The following BIRC6 variants were observed in gnomAD, a reference collection of about 807,000 sequenced individuals.
BIRC6 encodes the protein dual E2 ubiquitin-conjugating enzyme/E3 ubiquitin-protein ligase BIRC6.
BIRC6 carries 98 observed loss-of-function variants against 503.3 expected under a neutral mutation model. The ratio of observed to expected loss-of-function variants is 0.19; its 90% confidence interval spans 0.17 to 0.23. BIRC6 has a LOEUF of 0.23. Among genes scored for constraint, BIRC6 ranks in the 10% least tolerant of loss-of-function variants. BIRC6 has a pLI of 1.00. For synonymous variants in BIRC6, 2,240 were observed against 2,078.7 expected (o/e 1.08, Z -2.11); for missense variants, 5,360 against 5,806.0 (o/e 0.92, Z 2.50).
At position 32,469,283 on chromosome 2, in the gene BIRC6, T is replaced by G; in HGVS notation, c.6128-112T>G. ...TAAATACATTGCAGAATAAATAGAA[T>G]ATAATTATCTACTGATTACTAGAAA... On this transcript the variant is annotated intron_variant, in intron 29 of 73. Transcript: ENST00000421745. 3 of 792,440 alleles carry G rather than the reference T, an allele frequency of 3.8e-6. No individual in the cohort carries two copies. The South Asian group carries it at 6.1e-5, about 16-fold the overall frequency. 49.1% of individuals were successfully genotyped at this position (792,440 alleles called of 1,614,324 possible). A position where few individuals can be genotyped will look rare whatever the true frequency, so the allele number is the denominator to read the frequency against.
rs181688484 is a variant in BIRC6 at position 32,530,269 on chromosome 2, G to A, written c.12094+445G>A. 4.7e-4 allele frequency among the ~76,000 whole-genome samples: 71 copies of A among 152,122 alleles called. 1 individual carries two copies. In the East Asian group the frequency reaches 0.012, roughly 26 times the overall value. On this transcript the variant is annotated intron_variant, in intron 60 of 73. Transcript: ENST00000421745. ...TCTGTCTCCCAGGTCGGAGTGCAGAGGCACGATCTTAGTTCACTGCAACCT... is the reference window on the plus strand; with the variant it reads ...TCTGTCTCCCAGGTCGGAGTGCAGAAGCACGATCTTAGTTCACTGCAACCT...
At chr2:32,579,369 C>T (rs565930173) in intron 66 of BIRC6, among the ~76,000 whole-genome samples, 9 of 151,974 alleles carry the variant, frequency 5.9e-5, no homozygotes, top group East Asian at 3.9e-4. Flanking sequence ...TAGGTTTGTG[C>T]GCCCCCAAGC....
intron 70 of BIRC6, 81 bp downstream of exon 70, chr2:32,599,981 T>G: frequency 7.2e-7 from 1 of 1,384,020 alleles, no homozygotes; most frequent in East Asian, 2.5e-5. Flanking sequence ...AAATTTTGTT[T>G]TAGTTATCTG....
At chr2:32,541,947 GA>G (rs960645545) in intron 61 of BIRC6, among the ~76,000 whole-genome samples, 1 of 151,956 alleles carries the variant, frequency 6.6e-6, no homozygotes, top group African/African-American at 2.4e-5. Flanking sequence ...TAGGGCCAAA[GA>G]AAAATCAATT....
At chr2:32,473,450 TTACTGTTA>T (rs913152543) in intron 33 of BIRC6, among the ~76,000 whole-genome samples, 8 of 152,132 alleles carry the variant, frequency 5.3e-5, no homozygotes, top group Non-Finnish European at 4.4e-5. Context: ...CCTTTAACAT[TTACTGTTA>T]TACATCTCTA....
intron 63 of BIRC6, among the ~76,000 whole-genome samples, chr2:32,546,451 G>GTTTAT (rs2058058371): frequency 1.3e-5 from 2 of 151,990 alleles, no homozygotes; most frequent in Non-Finnish European, 2.9e-5. Context: ...ATGGTGGCGT[G>GTTTAT]TGCCTGTAAT....
intron 72 of BIRC6, among the ~76,000 whole-genome samples, chr2:32,609,339 C>T (rs1180643269): frequency 6.7e-6 from 1 of 149,784 alleles, no homozygotes; most frequent in Admixed American, 6.7e-5. Context: ...TTAGTTGTCT[C>T]TCCATAGTAT....
chr2:32,489,003 T>C (rs2051349924), intron 42 of BIRC6, among the ~76,000 whole-genome samples: 1 of 152,146 alleles, frequency 6.6e-6, no homozygotes, highest in African/African-American at 2.4e-5. Flanking sequence ...TTTTGTCTGA[T>C]CTGTAAAAGC....
At chr2:32,534,730 C>CAAAAAAAAAA (rs770672789) in intron 61 of BIRC6, among the ~76,000 whole-genome samples, 1 of 22,308 alleles carries the variant, frequency 4.5e-5, no homozygotes, top group African/African-American at 1.4e-4. Context: ...GACTCTGTCT[C>CAAAAAAAAAA]AAAAAAAAAA....
At chr2:32,391,882 T>A (rs1008104285) in intron 4 of BIRC6, among the ~76,000 whole-genome samples, 157 bp from the exon 5 acceptor site, 3 of 152,222 alleles carry the variant, frequency 2.0e-5, no homozygotes, top group Admixed American at 6.5e-5. Flanking sequence ...TCCCAAAAAT[T>A]ACCGTTTTTA....
intron 66 of BIRC6, among the ~76,000 whole-genome samples, chr2:32,590,273 C>G (rs2061317665): frequency 6.6e-6 from 1 of 152,176 alleles, no homozygotes; most frequent in Admixed American, 6.5e-5. Context: ...GTAGAAGTTT[C>G]ATTCTCTTAT....
chr2:32,466,717 C>G (rs550533997), intron 26 of BIRC6, among the ~76,000 whole-genome samples: 8 of 152,210 alleles, frequency 5.3e-5, no homozygotes, highest in Non-Finnish European at 1.2e-4. Context: ...TTTTAAAACT[C>G]TGATGTTTTA....
At position 32,465,126 on chromosome 2, in the gene BIRC6, C is replaced by T. The variant is rs1283501394; in HGVS notation, c.5318C>T (p.Pro1773Leu). 36 of 1,603,796 alleles carry T rather than the reference C, an allele frequency of 2.2e-5. No homozygotes were observed. The highest frequency in any genetic ancestry group is 1.8e-4 in the East Asian group (8 of 44,604). The change falls in exon 26 of 74, where the codon CCG (proline) becomes CTG (leucine). Residue 1773 changes from proline (P) to leucine (L), a missense_variant. Physicochemically the swap from Pro to Leu is moderately conservative, Grantham distance 98. Transcript: ENST00000421745. ...ISHASHFLQP[P>L]PHQSIIIERM... ...CATGCTTCACATTTTCTTCAACCTC[C>T]GCCTCACCAGTCCATTATTATAGAG...
rs1574049925 is a variant in BIRC6, at chr2:32,415,342, C to A, written c.2051C>A (p.Pro684His). 6.2e-7 allele frequency: 1 copy of A among 1,613,874 alleles called. No individual in the cohort carries two copies. Among genetic ancestry groups the A allele is most frequent in the African/African-American group, 1.3e-5 (1 of 74,922 alleles). Residue 684 changes from proline to histidine, a missense_variant, in exon 10 of 74, where the codon CCT becomes CAT. Pro to His is a moderately conservative substitution (Grantham distance 77). Around this residue, in one of 16 missense-constraint regions of BIRC6, gnomAD observed 700 missense variants for 739.3 expected, o/e 0.95. Coordinates refer to ENST00000421745, the MANE Select transcript of BIRC6 (RefSeq NM_016252.4). ...GAGCAGTTGTTATTGCAGGATCCTC[C>A]TGTGACTTACATTCAGCAATTTGCA... Reference protein sequence around the residue: ...SQEQLLLQDPPVTYIQQFADA... With the variant: ...SQEQLLLQDPHVTYIQQFADA...
chr2:32,537,491 G>A (rs1337238840), intron 61 of BIRC6, among the ~76,000 whole-genome samples: 1 of 151,770 alleles, frequency 6.6e-6, no homozygotes, highest in Non-Finnish European at 1.5e-5. Context: ...AAGACAACAA[G>A]CAACAAAATA....
rs1016046816 is a variant in BIRC6, at chr2:32,468,074, G to A, written c.5743G>A (p.Ala1915Thr). 4.3e-6 allele frequency: 7 copies of A among 1,613,934 alleles called. No individual in the cohort carries two copies. The highest frequency in any genetic ancestry group is 4.2e-6 in the Non-Finnish European group (5 of 1,179,862). The change falls in exon 28 of 74, where the codon GCA (alanine) becomes ACA (threonine). Residue 1915 changes from alanine to threonine, a missense_variant. Coordinates refer to ENST00000421745, the MANE Select transcript of BIRC6 (RefSeq NM_016252.4). ...CCAGCCAGAAATTGACCAGCATTTA[G>A]CAATGATGGTTGCTTTGCAGGAGGA... ...ANQPEIDQHL[A>T]MMVALQEDIQ...
intron 3 of BIRC6, among the ~76,000 whole-genome samples, chr2:32,386,442 CTCT>C (rs1170130885): frequency 6.8e-6 from 1 of 147,818 alleles, no homozygotes; most frequent in Non-Finnish European, 1.5e-5. Context: ...AAGTCTCTCT[CTCT>C]TTTTTTTTTT....
rs114322682 is a variant in BIRC6 at position 32,475,766 on chromosome 2, A to G, written c.6721-447A>G. On this transcript the variant is annotated intron_variant, in intron 33 of 73. Coordinates refer to ENST00000421745, the MANE Select transcript of BIRC6 (RefSeq NM_016252.4). The stretch of plus-strand genomic sequence containing the variant: ...TTAATTATTTCTTAAGCTACATTGT[A>G]GCAAAAAACTACAATGATCTCAATC... Among the ~76,000 whole-genome samples the G allele has an allele frequency of 8.5e-3, 1,298 of 152,280 alleles. 14 individuals are homozygous for G. Among genetic ancestry groups the G allele is most frequent in the Non-Finnish European group, 0.014 (980 of 67,994 alleles).
At chr2:32,548,256 A>G (rs1007505780) in intron 64 of BIRC6, among the ~76,000 whole-genome samples, 7 of 150,226 alleles carry the variant, frequency 4.7e-5, no homozygotes, top group Admixed American at 2.0e-4. Context: ...GAAATTATCC[A>G]GTAGCTGGAA....
Sources: gnomAD v4.1 joint callset for allele counts (sites outside exome capture counted in the v4.1 genomes callset) on GRCh38, gnomAD v4.1.1 for gene constraint, gnomAD v4.1.1 regional missense constraint, MANE v1.5 for transcripts, NCBI Gene and HGNC (gene_info 2026-07-23, HGNC 2026-07-21) for gene names.